The following NCOA7 variants were observed in gnomAD, a reference collection of about 807,000 sequenced individuals.
NCOA7 encodes the protein 140 kDa estrogen receptor-associated protein.
A neutral mutation model predicts 104.3 loss-of-function variants in NCOA7; 45 were observed. The ratio of observed to expected loss-of-function variants is 0.43; its 90% CI spans 0.34 to 0.55. The LOEUF (loss-of-function observed/expected upper bound fraction) is 0.55, where lower values mean the gene tolerates loss of function less well. Among genes scored for constraint, NCOA7 ranks in the 20% least tolerant of loss-of-function variants. The probability of loss-of-function intolerance (pLI) is 0.02; values close to 1 mark genes in which losing one functional copy is unlikely to be tolerated. For missense variants in NCOA7, 1,041 were observed against 1,119.7 expected, an observed-to-expected ratio of 0.93 and a Z score of 1.00; for synonymous variants, 398 against 402.3, an observed-to-expected ratio of 0.99 and a Z score of 0.13.
At chr6:125,915,262 C>T in intron 10 of NCOA7, 71 bp from the exon 11 acceptor site, 1 of 1,572,486 alleles carries the variant, frequency 6.4e-7, no homozygotes, top group Non-Finnish European at 8.7e-7. Context: ...GGTTTATGTA[C>T]TGAAGTCCAC....
chr6:125,822,588 A>G (rs774749714), intron 2 of NCOA7, among the ~76,000 whole-genome samples: 1 of 152,152 alleles, frequency 6.6e-6, no homozygotes, highest in Non-Finnish European at 1.5e-5. Flanking sequence ...ATGTTACCTC[A>G]GTTTACATTG....
At chr6:125,856,869 A>T (rs1016764774) in intron 3 of NCOA7, among the ~76,000 whole-genome samples, 25 of 152,154 alleles carry the variant, frequency 1.6e-4, no homozygotes, top group African/African-American at 6.0e-4. Flanking sequence ...AGGGAAACAT[A>T]CCTTGTATCC....
intron 2 of NCOA7, among the ~76,000 whole-genome samples, chr6:125,837,921 C>G (rs1192081470): frequency 6.6e-6 from 1 of 152,198 alleles, no homozygotes; most frequent in Non-Finnish European, 1.5e-5. Flanking sequence ...TGATGCAGAA[C>G]TACTTCATGG....
chr6:125,852,864 G>A (rs1331055661), intron 2 of NCOA7, among the ~76,000 whole-genome samples: 1 of 152,220 alleles, frequency 6.6e-6, no homozygotes, highest in East Asian at 1.9e-4. Context: ...GTAATGTGAT[G>A]CCTTCAGATT....
At position 125,802,645 on chromosome 6, in the gene NCOA7, G is replaced by A. The variant is rs1044607710; in HGVS notation, c.-65+11578G>A. On this transcript the variant is annotated intron_variant, in intron 1 of 15. Transcript: ENST00000392477. ...AAGCATCACAGAGCTGCACAGCAAA[G>A]GGTACGGATGTATAATTATCTTACA... 2.6e-5 allele frequency among the ~76,000 whole-genome samples: 4 copies of A among 152,164 alleles called. No homozygotes were observed. In the East Asian group the frequency reaches 7.7e-4, roughly 29 times the overall value.
chr6:125,846,411 T>G (rs2128610096), intron 2 of NCOA7, among the ~76,000 whole-genome samples: 1 of 152,140 alleles, frequency 6.6e-6, no homozygotes, highest in East Asian at 1.9e-4. Context: ...TTTCCTACTC[T>G]TCTCCGCCAA....
intron 2 of NCOA7, among the ~76,000 whole-genome samples, chr6:125,853,367 C>T (rs1272511427): frequency 7.9e-5 from 12 of 152,118 alleles, no homozygotes. Context: ...AGTTTGACTT[C>T]CTCTTTTTTT....
intron 10 of NCOA7, among the ~76,000 whole-genome samples, chr6:125,892,073 C>T (rs1174873856): frequency 6.6e-6 from 1 of 152,116 alleles, no homozygotes; most frequent in African/African-American, 2.4e-5. Flanking sequence ...GAGATTTAGG[C>T]CCATTCTTGA....
At chr6:125,925,759 T>G (rs778663718) in intron 13 of NCOA7, among the ~76,000 whole-genome samples, 1 of 152,234 alleles carries the variant, frequency 6.6e-6, no homozygotes, top group African/African-American at 2.4e-5. Context: ...TTTCCTTTTA[T>G]CATTTCTGGG....
At chr6:125,794,543 T>C (rs1413411163) in intron 1 of NCOA7, among the ~76,000 whole-genome samples, 2 of 152,240 alleles carry the variant, frequency 1.3e-5, no homozygotes, top group Non-Finnish European at 2.9e-5. Context: ...ATGACTCATA[T>C]CCTTTGTGGA....
Position 125,885,318 on chromosome 6 carries a change from A to G in NCOA7, c.859A>G (p.Met287Val), listed in dbSNP as rs762294306. The change falls in exon 8 of 16, where the codon ATG becomes GTG. Residue 287 changes from methionine (M) to valine (V), a missense_variant. Around this residue, in one of 2 missense-constraint regions of NCOA7, gnomAD observed 914 missense variants for 942.7 expected, o/e 0.97. Transcript: ENST00000392477. ...SIALYNDISH[M>V]KIKDALPSDL... ...TGCGCTCTACAATGACATTTCTCAC[A>G]TGAAGATCAAAGATGCCTTGCCATC... 7 of 1,613,804 alleles carry G rather than the reference A, an allele frequency of 4.3e-6. No individual in the cohort carries two copies. The Admixed American group carries it at 8.3e-5, about 19-fold the overall frequency.
intron 3 of NCOA7, among the ~76,000 whole-genome samples, chr6:125,864,537 TCCTAC>T (rs938179487): frequency 7.6e-6 from 1 of 130,738 alleles, no homozygotes; most frequent in Non-Finnish European, 1.6e-5. Flanking sequence ...CATGTTGAAA[TCCTAC>T]TTCCCAACGT....
intron 1 of NCOA7, among the ~76,000 whole-genome samples, chr6:125,801,626 G>T (rs1775894577): frequency 6.6e-6 from 1 of 152,186 alleles, no homozygotes; most frequent in Admixed American, 6.5e-5. Flanking sequence ...CGCTGAAACT[G>T]GTAGAAGAAT....
At chr6:125,818,867 G>T (rs1777852938) in intron 2 of NCOA7, 1 of 152,410 alleles carries the variant, frequency 6.6e-6, no homozygotes. Flanking sequence ...GTACTTAAGG[G>T]CAGTCCAAGC....
intron 2 of NCOA7, 41 bp from the exon 3 acceptor site, chr6:125,854,979 C>T: frequency 7.3e-7 from 1 of 1,363,160 alleles, no homozygotes; most frequent in Non-Finnish European, 1.0e-6. Flanking sequence ...ACCAGCAAAT[C>T]ATCTCTCCAA....
chr6:125,847,080 T>A (rs1277260277), intron 2 of NCOA7, among the ~76,000 whole-genome samples: 1 of 152,248 alleles, frequency 6.6e-6, no homozygotes, highest in East Asian at 1.9e-4. Flanking sequence ...ATATTTTTAA[T>A]ATGTAATTGT....
In NCOA7 at chr6:125,889,155, G is replaced by C; in HGVS notation, c.1101G>C (p.Val367=). 6.2e-7 allele frequency: 1 copy of C among 1,614,122 alleles called. No homozygotes were observed. Among genetic ancestry groups the C allele is most frequent in the Non-Finnish European group, 8.5e-7 (1 of 1,180,014 alleles). ...CTACAAAGCCCTCAGGCAGCTCTGT[G>C]TCAGAGAAATTAAAGAAACTGGACT... ...HTPTKPSGSS[V]SEKLKKLDSS... Residue 367 remains valine, a synonymous_variant, in exon 9 of 16, where the codon GTG becomes GTC. Transcript: ENST00000392477.
At chr6:125,821,828 A>G (rs1465995831) in intron 2 of NCOA7, among the ~76,000 whole-genome samples, 1 of 151,902 alleles carries the variant, frequency 6.6e-6, no homozygotes, top group African/African-American at 2.4e-5. Context: ...ATAGAAATGA[A>G]TGCAGAAATA....
intron 2 of NCOA7, among the ~76,000 whole-genome samples, chr6:125,849,242 A>G (rs557402893): frequency 6.6e-6 from 1 of 152,308 alleles, no homozygotes; most frequent in East Asian, 1.9e-4. Flanking sequence ...TCAGTCGGCT[A>G]ACTCTGGGCT....
Sources: gnomAD v4.1 joint callset for allele counts (sites outside exome capture counted in the v4.1 genomes callset) on GRCh38, gnomAD v4.1.1 for gene constraint, gnomAD v4.1.1 regional missense constraint, MANE v1.5 for transcripts, NCBI Gene and HGNC (gene_info 2026-07-23, HGNC 2026-07-21) for gene names.